KDM4B: variants seen among roughly 807,000 people sequenced by gnomAD.
The protein encoded by KDM4B is lysine demethylase 4B.
KDM4B carries 32 observed loss-of-function variants against 125.2 expected under a neutral mutation model. That is an observed-to-expected ratio of 0.26 (90% CI 0.19 to 0.34). KDM4B has a LOEUF of 0.34. Ranked by LOEUF, KDM4B falls within the 10% of genes least tolerant of loss-of-function variation. The probability of loss-of-function intolerance (pLI) is 1.00; values close to 1 mark genes in which losing one functional copy is unlikely to be tolerated. For synonymous variants in KDM4B, 721 were observed against 677.9 expected (o/e 1.06, Z -0.99); for missense variants, 1,190 against 1,577.7 (o/e 0.75, Z 4.16).
At chr19:4,977,476 G>A (rs2034487900) in intron 1 of KDM4B, among the ~76,000 whole-genome samples, 1 of 152,192 alleles carries the variant, frequency 6.6e-6, no homozygotes, top group Non-Finnish European at 1.5e-5. Flanking sequence ...ATTTCCCCCT[G>A]CATAGACCTC....
intron 9 of KDM4B, among the ~76,000 whole-genome samples, chr19:5,087,584 C>T (rs2038546980): frequency 6.6e-6 from 1 of 152,178 alleles, no homozygotes; most frequent in African/African-American, 2.4e-5. Context: ...GTAGGTAGTG[C>T]CAGTGTCATT....
chr19:5,150,895 C>G (rs1470870709), intron 22 of KDM4B, among the ~76,000 whole-genome samples: 1 of 152,222 alleles, frequency 6.6e-6, no homozygotes, highest in Non-Finnish European at 1.5e-5. Flanking sequence ...TAAACGGGAG[C>G]CTGAGTCCTG....
chr19:5,062,785 T>G (rs1401165432), intron 6 of KDM4B, among the ~76,000 whole-genome samples: 1 of 147,718 alleles, frequency 6.8e-6, no homozygotes, highest in Non-Finnish European at 1.5e-5. Flanking sequence ...GTTTTTTTTT[T>G]TTTTTTTTTT....
chr19:4,976,559 T>C (rs1477492449), intron 1 of KDM4B, among the ~76,000 whole-genome samples: 1 of 152,220 alleles, frequency 6.6e-6, no homozygotes, highest in African/African-American at 2.4e-5. Flanking sequence ...GAAGACAGCA[T>C]TGCACAATTT....
Position 5,082,512 on chromosome 19 carries a change from C to A in KDM4B, c.918+8C>A. The A allele has an allele frequency of 6.3e-7, 1 of 1,588,666 alleles. No homozygotes were observed. Among genetic ancestry groups the A allele is most frequent in the South Asian group, 1.2e-5 (1 of 86,548 alleles). ...GGCAAAGTGGCCACTCAGGTAAAAGCTTGCCTGCTGGGAACGGGTCCCAGC... is the reference window on the plus strand; with the variant it reads ...GGCAAAGTGGCCACTCAGGTAAAAGATTGCCTGCTGGGAACGGGTCCCAGC... On this transcript the variant is annotated splice_region_variant and intron_variant, in intron 9 of 22. Transcript: ENST00000159111. The surrounding 1 kb of genome is among the most constrained non-coding windows in gnomAD (Gnocchi z 5.4).
intron 11 of KDM4B, among the ~76,000 whole-genome samples, chr19:5,123,634 G>C (rs1291603015): frequency 6.6e-6 from 1 of 152,224 alleles, no homozygotes; most frequent in Non-Finnish European, 1.5e-5. Flanking sequence ...AGGCACAGGT[G>C]CCCATTTGTG....
chr19:4,992,672 T>C (rs2035066812), intron 1 of KDM4B, among the ~76,000 whole-genome samples: 1 of 152,158 alleles, frequency 6.6e-6, no homozygotes, highest in Non-Finnish European at 1.5e-5. Context: ...GCTGGTCTCG[T>C]ACTCCTGGGT....
intron 10 of KDM4B, 150 bp downstream of exon 10, chr19:5,110,968 C>A: frequency 1.6e-6 from 1 of 637,524 alleles, no homozygotes; most frequent in Non-Finnish European, 2.7e-6. Flanking sequence ...CTCTTTCGTC[C>A]TCCTCCTCCT....
At chr19:5,043,901 T>G (rs1599488018) in intron 5 of KDM4B, among the ~76,000 whole-genome samples, 3 of 121,244 alleles carry the variant, frequency 2.5e-5, no homozygotes, top group South Asian at 5.5e-4. Context: ...GGAGTGGGGG[T>G]GTCCACCTTA....
At chr19:5,033,781 G>A (rs972246186) in intron 3 of KDM4B, among the ~76,000 whole-genome samples, 26 of 152,092 alleles carry the variant, frequency 1.7e-4, no homozygotes, top group Admixed American at 9.2e-4. Flanking sequence ...TTGTGCACGC[G>A]TGTACGTGAA....
At chr19:5,138,455 C>T (rs1337224715) in intron 18 of KDM4B, 7 of 205,026 alleles carry the variant, frequency 3.4e-5, no homozygotes, top group Admixed American at 2.2e-4. Flanking sequence ...ATAATTATAA[C>T]AAGCCTGGGC....
intron 7 of KDM4B, chr19:5,075,773 C>A: frequency 6.5e-6 from 1 of 152,722 alleles, no homozygotes; most frequent in Non-Finnish European, 1.5e-5. Context: ...AGGTTGTGAG[C>A]TCTGACCACA....
chr19:5,035,883 G>A lies in KDM4B; in HGVS notation c.141+2852G>A, dbSNP rs956432085. On this transcript the variant is annotated intron_variant, in intron 3 of 22. Transcript: ENST00000159111. The surrounding 1 kb of genome is among the most constrained non-coding windows in gnomAD (Gnocchi z 5.3). The stretch of plus-strand genomic sequence containing the variant: ...TGTCTCTGTGTGTGTGTGTGTGTGC[G>A]CGCGCGCGCGCGCCTGCGCGCACAG... Among the ~76,000 whole-genome samples the A allele has an allele frequency of 1.0e-5, 1 of 96,060 alleles. No homozygotes were observed. Among genetic ancestry groups the A allele is most frequent in the South Asian group, 4.2e-4 (1 of 2,382 alleles). 63.0% of individuals were successfully genotyped at this position (96,060 alleles called of 152,430 possible).
chr19:5,134,299 G>A (rs1288531993), intron 14 of KDM4B, among the ~76,000 whole-genome samples: 7 of 152,206 alleles, frequency 4.6e-5, no homozygotes, highest in Admixed American at 4.6e-4. Context: ...ATGGGGCAGA[G>A]GGAGGCTGCG....
intron 21 of KDM4B, among the ~76,000 whole-genome samples, chr19:5,149,215 A>ACGTGGGG (rs1336171715): frequency 6.6e-6 from 1 of 152,234 alleles, no homozygotes; most frequent in Non-Finnish European, 1.5e-5. Flanking sequence ...GCTGCACACT[A>ACGTGGGG]CGTGGGGCGT....
chr19:5,002,453 C>T (rs1599389426), intron 1 of KDM4B, among the ~76,000 whole-genome samples: 1 of 150,774 alleles, frequency 6.6e-6, no homozygotes. Context: ...CCCTTTCTCT[C>T]TCCTTTCCTT....
intron 2 of KDM4B, among the ~76,000 whole-genome samples, chr19:5,027,288 T>A (rs2036309796): frequency 6.6e-6 from 1 of 152,234 alleles, no homozygotes. Flanking sequence ...AGGAAGGATG[T>A]GTCTCTCTGT....
At chr19:5,014,759 G>T (rs558555377) in intron 1 of KDM4B, among the ~76,000 whole-genome samples, 10 of 152,126 alleles carry the variant, frequency 6.6e-5, no homozygotes, top group African/African-American at 2.4e-4. Flanking sequence ...ACTTCGGGAG[G>T]CCGAGGTGGG....
chr19:5,119,275 T>A, intron 10 of KDM4B: 1 of 1,194,708 alleles, frequency 8.4e-7, no homozygotes, highest in Non-Finnish European at 1.2e-6. Context: ...AGCTGCTGTT[T>A]CCCTCGGAGC....
Sources: allele counts gnomAD v4.1 joint callset (sites outside exome capture counted in the v4.1 genomes callset), GRCh38; gene constraint gnomAD v4.1.1; non-coding constraint Gnocchi (gnomAD v3.1); transcripts MANE v1.5; gene names NCBI Gene and HGNC (gene_info 2026-07-23, HGNC 2026-07-21).